The following OSBPL9 variants were observed in gnomAD, a reference collection of about 807,000 sequenced individuals.
The protein encoded by OSBPL9 is oxysterol-binding protein-related protein 9.
A neutral mutation model predicts 106.6 loss-of-function variants in OSBPL9; 40 were observed. The ratio of observed to expected loss-of-function variants is 0.38; its 90% CI spans 0.29 to 0.49. The LOEUF (loss-of-function observed/expected upper bound fraction) is 0.49, where lower values mean the gene tolerates loss of function less well. OSBPL9 is among the 20% of genes least tolerant of loss of function. The pLI is 0.97. For missense variants in OSBPL9, 609 were observed against 887.2 expected, an observed-to-expected ratio of 0.69 and a Z score of 3.98; for synonymous variants, 269 against 295.4, an observed-to-expected ratio of 0.91 and a Z score of 0.92.
At chr1:51,536,004 T>G in the OSBPL9 span, among the ~76,000 whole-genome samples, 1 of 152,184 alleles carries the variant, frequency 6.6e-6, no homozygotes, top group African/African-American at 2.4e-5. Flanking sequence ...TACATGGATA[T>G]GTATATTTTT....
chr1:51,534,262 G>A, the OSBPL9 span, among the ~76,000 whole-genome samples: 1 of 148,942 alleles, frequency 6.7e-6, no homozygotes, highest in African/African-American at 2.5e-5. Context: ...TGGTTTTTTT[G>A]TTTTGAACAG....
intron 3 of OSBPL9, among the ~76,000 whole-genome samples, chr1:51,684,850 A>C (rs1430939442): frequency 6.7e-6 from 1 of 148,584 alleles, no homozygotes; most frequent in African/African-American, 2.6e-5. Context: ...ACAGTTTTTA[A>C]AAAAGAATGT....
At chr1:51,747,318 T>C (rs1408987217) in intron 6 of OSBPL9, among the ~76,000 whole-genome samples, 5 of 152,200 alleles carry the variant, frequency 3.3e-5, no homozygotes, top group African/African-American at 1.2e-4. Flanking sequence ...GAGTAAGTTA[T>C]TTCCTTTTCA....
At chr1:51,697,417 T>G (rs1207437743) in intron 3 of OSBPL9, among the ~76,000 whole-genome samples, 1 of 151,466 alleles carries the variant, frequency 6.6e-6, no homozygotes, top group Non-Finnish European at 1.5e-5. Flanking sequence ...ACAATAACTT[T>G]CAGAGAAAAG....
At chr1:51,529,083 T>C in the OSBPL9 span, among the ~76,000 whole-genome samples, 3 of 152,212 alleles carry the variant, frequency 2.0e-5, no homozygotes, top group Admixed American at 1.3e-4. Context: ...ACTCCCCAAA[T>C]TGATCTACTG....
rs187575028 is a variant in OSBPL9 at position 51,642,741 on chromosome 1, T to C, written c.112-9250T>C. On this transcript the variant is annotated intron_variant, in intron 1 of 23. Transcript: ENST00000428468. ...AGGGAGATAGCTGTACCCCTTTTCT[T>C]AGCACCTTGGAAGCTTGGCCTAGGG... Among the ~76,000 whole-genome samples, 71 of 152,312 alleles carry C rather than the reference T, an allele frequency of 4.7e-4. 1 individual carries two copies. Among genetic ancestry groups the C allele is most frequent in the Non-Finnish European group, 9.0e-4 (61 of 68,012 alleles).
At chr1:51,590,127 C>A (rs1325624810) in intron 1 of OSBPL9, among the ~76,000 whole-genome samples, 2 of 150,818 alleles carry the variant, frequency 1.3e-5, no homozygotes, top group African/African-American at 4.9e-5. Context: ...TTATTTTAAA[C>A]CTAATAGGCA....
chr1:51,609,689 C>T (rs1570542411), intron 2 of OSBPL9, among the ~76,000 whole-genome samples: 1 of 151,582 alleles, frequency 6.6e-6, no homozygotes, highest in African/African-American at 2.4e-5. Context: ...TGTGTAATTC[C>T]AGCACTGGTT....
chr1:51,704,885 T>C (rs1272918053), intron 3 of OSBPL9, among the ~76,000 whole-genome samples: 1 of 152,186 alleles, frequency 6.6e-6, no homozygotes, highest in Non-Finnish European at 1.5e-5. Flanking sequence ...ATTATGGTTC[T>C]GAGAGGCTGA....
At chr1:51,552,780 A>G in the OSBPL9 span, among the ~76,000 whole-genome samples, 211 of 152,088 alleles carry the variant, frequency 1.4e-3, 2 homozygotes, top group African/African-American at 4.6e-3. Context: ...ACCCACCACC[A>G]TGCCCGGCTA....
In OSBPL9 at chr1:51,617,239, A is replaced by C. The variant is rs1261614033; in HGVS notation, c.111+18A>C. 6.3e-7 allele frequency: 1 copy of C among 1,594,972 alleles called. No individual in the cohort carries two copies. The highest frequency in any genetic ancestry group is 8.6e-7 in the Non-Finnish European group (1 of 1,168,848). On this transcript the variant is annotated intron_variant, in intron 1 of 23. Transcript: ENST00000428468. The stretch of plus-strand genomic sequence containing the variant: ...ACTACACGGTGAGTCCTTGGAGGGC[A>C]CAGCTCCAGGCGCCTCGGGGCCGCG...
chr1:51,730,355 T>C (rs1664104021), intron 4 of OSBPL9, among the ~76,000 whole-genome samples: 1 of 152,260 alleles, frequency 6.6e-6, no homozygotes, highest in African/African-American at 2.4e-5. Flanking sequence ...TTAAGCTTTC[T>C]CTTATGTGAA....
chr1:51,702,450 T>A (rs1024888335), intron 3 of OSBPL9, among the ~76,000 whole-genome samples: 1 of 151,884 alleles, frequency 6.6e-6, no homozygotes, highest in Non-Finnish European at 1.5e-5. Flanking sequence ...TGTCTTCTTT[T>A]GAGAAGTGTC....
chr1:51,594,781 G>A (rs1005904297), intron 1 of OSBPL9: 5 of 152,208 alleles, frequency 3.3e-5, no homozygotes, highest in Admixed American at 1.3e-4. Context: ...CGGGAAAGTC[G>A]GCCTGCCTGA....
At chr1:51,530,180 A>AAAAAAAAAAAACAAAC in the OSBPL9 span, among the ~76,000 whole-genome samples, 11 of 114,412 alleles carry the variant, frequency 9.6e-5, no homozygotes, top group South Asian at 2.5e-4. Context: ...CAAAAAAAAA[A>AAAAAAAAAAAACAAAC]AAAAAAAAAA....
intron 11 of OSBPL9, among the ~76,000 whole-genome samples, chr1:51,763,365 A>G (rs147564137): frequency 1.3e-5 from 2 of 152,310 alleles, no homozygotes; most frequent in African/African-American, 2.4e-5. Context: ...TTACAGGGAT[A>G]CTATCAGTGT....
At chr1:51,602,601 T>A (rs919556289) in intron 2 of OSBPL9, among the ~76,000 whole-genome samples, 154 of 140,534 alleles carry the variant, frequency 1.1e-3, no homozygotes, top group Non-Finnish European at 1.9e-3. Flanking sequence ...TAAAAAAAAA[T>A]TTTTTTTTGT....
intron 2 of OSBPL9, among the ~76,000 whole-genome samples, chr1:51,659,308 C>A (rs1646998855): frequency 6.6e-6 from 1 of 152,060 alleles, no homozygotes; most frequent in African/African-American, 2.4e-5. Flanking sequence ...CACACACATA[C>A]TTCTGAATAA....
chr1:51,680,833 T>C (rs1571028202), intron 3 of OSBPL9, among the ~76,000 whole-genome samples: 1 of 152,204 alleles, frequency 6.6e-6, no homozygotes, highest in East Asian at 1.9e-4. Flanking sequence ...TAAAAGAATT[T>C]GTCAGAACTA....
Sources: gnomAD v4.1 joint callset for allele counts (sites outside exome capture counted in the v4.1 genomes callset) on GRCh38, gnomAD v4.1.1 for gene constraint, MANE v1.5 for transcripts, NCBI Gene and HGNC (gene_info 2026-07-23, HGNC 2026-07-21) for gene names.